Variants in RXRA observed in about 807,000 individuals in gnomAD.
The protein encoded by RXRA is retinoic acid receptor RXR-alpha.
RXRA carries 5 observed loss-of-function variants against 44.5 expected under a neutral mutation model. That is an observed-to-expected ratio of 0.11 (90% confidence interval 0.06 to 0.24). The LOEUF (loss-of-function observed/expected upper bound fraction) is 0.24, where lower values mean the gene tolerates loss of function less well. RXRA is among the 10% of genes least tolerant of loss of function. The pLI, the probability that RXRA is intolerant of heterozygous loss-of-function variation, is 1.00. For missense variants in RXRA, 412 were observed against 646.5 expected (o/e 0.64, Z 3.93); for synonymous variants, 291 against 271.4 (o/e 1.07, Z -0.71).
At chr9:134,401,278 C>T (rs1379761303) in intron 1 of RXRA, 2 of 346,648 alleles carry the variant, frequency 5.8e-6, no homozygotes, top group East Asian at 1.5e-4. Context: ...GTCCCGGCCA[C>T]CAGCCACTCC....
Position 134,438,024 on chromosome 9 carries a change from C to G in RXRA, c.*1410C>G, listed in dbSNP as rs187145744. ...CCGGGCTCCGGTGGTGCGGGGCCCT[C>G]TCAGGTTGAACTCGCCTCTTTTGCA... On this transcript the variant is annotated 3_prime_UTR_variant, in exon 10 of 10. Transcript: ENST00000481739. The G allele has an allele frequency of 6.5e-6, 1 of 152,750 alleles. No homozygotes were observed. The highest frequency in any genetic ancestry group is 1.9e-4 in the East Asian group (1 of 5,182). The allele number at this position is 152,750 out of a possible 1,614,324, so 9.5% of individuals were successfully genotyped here.
chr9:134,415,980 C>T (rs1831227917), intron 4 of RXRA, among the ~76,000 whole-genome samples: 1 of 152,074 alleles, frequency 6.6e-6, no homozygotes. Context: ...GAGTGCCCGC[C>T]CTGTGGGGCG....
At chr9:134,326,710 CGGGCGGGAGGGGGCCGGG>C (rs1465945641) in intron 1 of RXRA, 51 bp downstream of exon 1, 1 of 384,978 alleles carries the variant, frequency 2.6e-6, no homozygotes, top group Admixed American at 7.0e-5. Flanking sequence ...CGGGGGCCGG[CGGGCGGGAGGGGGCCGGG>C]GGCGCGTTGG....
intron 1 of RXRA, among the ~76,000 whole-genome samples, chr9:134,374,484 C>A (rs902274880): frequency 3.3e-5 from 5 of 152,340 alleles, no homozygotes; most frequent in Non-Finnish European, 7.3e-5. Context: ...TCACAGGGAT[C>A]CTGGCTCTCG....
In RXRA at chr9:134,434,151, G is replaced by C. The variant is rs1199174789; in HGVS notation, c.1185G>C (p.Lys395Asn). The C allele has an allele frequency of 1.2e-6, 2 of 1,613,710 alleles. No individual in the cohort carries two copies. The highest frequency in any genetic ancestry group is 1.3e-5 in the African/African-American group (1 of 74,890). Residue 395 changes from lysine to asparagine, a missense_variant, in exon 9 of 10, where the codon AAG becomes AAC. Around this residue, in one of 4 missense-constraint regions of RXRA, gnomAD observed 141 missense variants for 270.8 expected, o/e 0.52. Coordinates refer to ENST00000481739, the MANE Select transcript of RXRA (RefSeq NM_002957.6). ...CCGAGGTGGAGGCGCTGAGGGAGAAGGTCTATGCGTCCTTGGAGGCCTACT... is the reference window on the plus strand; with the variant it reads ...CCGAGGTGGAGGCGCTGAGGGAGAACGTCTATGCGTCCTTGGAGGCCTACT... ...NPAEVEALRE[K>N]VYASLEAYCK...
At chr9:134,348,791 G>GA (rs1231602957) in intron 1 of RXRA, among the ~76,000 whole-genome samples, 1 of 104,900 alleles carries the variant, frequency 9.5e-6, no homozygotes, top group African/African-American at 6.2e-5. Flanking sequence ...GTGGTCAGAA[G>GA]ACTTCCCGGA....
At chr9:134,398,607 G>T (rs1830914968) in intron 1 of RXRA, among the ~76,000 whole-genome samples, 1 of 152,174 alleles carries the variant, frequency 6.6e-6, no homozygotes. Flanking sequence ...CTCCTGAGGT[G>T]CCCTGGAAGG....
At chr9:134,387,637 C>T (rs1016010680) in intron 1 of RXRA, among the ~76,000 whole-genome samples, 1 of 152,266 alleles carries the variant, frequency 6.6e-6, no homozygotes, top group African/African-American at 2.4e-5. Flanking sequence ...GGGGACCACG[C>T]AGTCCTTGAC....
intron 1 of RXRA, among the ~76,000 whole-genome samples, chr9:134,327,053 G>C (rs1353603626): frequency 3.9e-5 from 6 of 151,964 alleles, no homozygotes; most frequent in African/African-American, 7.2e-5. Context: ...CCTGGGGACC[G>C]GGACGGCGCG....
At chr9:134,408,428 T>G (rs1588293661) in intron 3 of RXRA, 129 bp downstream of exon 3, 1 of 993,016 alleles carries the variant, frequency 1.0e-6, no homozygotes, top group South Asian at 1.8e-5. Context: ...GGGAGGCAGG[T>G]GCCTGGGCCA....
chr9:134,401,444 G>C (rs549110945), intron 1 of RXRA, 188 bp from the exon 2 acceptor site: 65 of 868,812 alleles, frequency 7.5e-5, no homozygotes, highest in Non-Finnish European at 1.1e-4. Context: ...TTGGAGGGGA[G>C]CTCTGGGCAC....
At chr9:134,362,835 C>T (rs1307063070) in intron 1 of RXRA, among the ~76,000 whole-genome samples, 1 of 152,206 alleles carries the variant, frequency 6.6e-6, no homozygotes, top group Admixed American at 6.5e-5. Flanking sequence ...GGAGGGGGCC[C>T]ACTTGGACGG....
intron 1 of RXRA, among the ~76,000 whole-genome samples, chr9:134,331,206 C>T (rs536145834): frequency 5.3e-5 from 8 of 152,196 alleles, no homozygotes; most frequent in African/African-American, 1.9e-4. Flanking sequence ...GGCGAGGGAC[C>T]GCGGTTTGCA....
chr9:134,360,092 T>C (rs2119060697), intron 1 of RXRA, among the ~76,000 whole-genome samples: 1 of 152,248 alleles, frequency 6.6e-6, no homozygotes, highest in East Asian at 1.9e-4. Flanking sequence ...GCCACCATGC[T>C]TTCGAGGCCG....
chr9:134,427,340 G>A (rs1354337126), intron 6 of RXRA, among the ~76,000 whole-genome samples: 7 of 152,060 alleles, frequency 4.6e-5, no homozygotes, highest in African/African-American at 1.7e-4. Flanking sequence ...ACTCCCCATC[G>A]CAACGGGCTG....
At position 134,343,589 on chromosome 9, in the gene RXRA, C is replaced by T. The variant is rs977960949; in HGVS notation, c.28+16930C>T. 4.6e-5 allele frequency among the ~76,000 whole-genome samples: 7 copies of T among 152,190 alleles called. No homozygotes were observed. Among genetic ancestry groups the T allele is most frequent in the South Asian group, 2.1e-4 (1 of 4,820 alleles). On this transcript the variant is annotated intron_variant, in intron 1 of 9. Transcript: ENST00000481739. The surrounding 1 kb of genome is among the most constrained non-coding windows in gnomAD (Gnocchi z 4.1). ...CTAGAAATTGCTCGGGGCCAGGAAGCGAGACCAGTCACTGGGTGCAACCTT... is the reference window on the plus strand; with the variant it reads ...CTAGAAATTGCTCGGGGCCAGGAAGTGAGACCAGTCACTGGGTGCAACCTT...
intron 1 of RXRA, among the ~76,000 whole-genome samples, chr9:134,389,754 T>G (rs1830772978): frequency 6.6e-6 from 1 of 152,116 alleles, no homozygotes; most frequent in African/African-American, 2.4e-5. Context: ...ACTCTGTGGA[T>G]GGGGTCACCC....
Position 134,433,952 on chromosome 9 carries a change from G to A in RXRA, c.1136-150G>A, listed in dbSNP as rs34458643. The A allele has an allele frequency of 0.024, 14,476 of 594,796 alleles. 220 individuals carry two copies. The highest frequency in any genetic ancestry group is 0.03 in the Non-Finnish European group (9,916 of 336,106). The allele number at this position is 594,796 out of a possible 1,614,324, so 36.8% of individuals were successfully genotyped here. The stretch of plus-strand genomic sequence containing the variant: ...CCCTGCCACCAGGCTCTGGGGGAGC[G>A]GGCGGAGGCATGTCCAGCGGCATTC... On this transcript the variant is annotated intron_variant, in intron 8 of 9. Transcript: ENST00000481739. The surrounding 1 kb of genome is among the most constrained non-coding windows in gnomAD (Gnocchi z 4.2).
intron 1 of RXRA, among the ~76,000 whole-genome samples, chr9:134,339,508 TGTGA>T (rs1469169991): frequency 3.1e-4 from 47 of 151,094 alleles, no homozygotes; most frequent in African/African-American, 1.0e-3. Flanking sequence ...TGTGAGTGTG[TGTGA>T]GTCTGTGTGT....
Sources: allele counts gnomAD v4.1 joint callset (sites outside exome capture counted in the v4.1 genomes callset), GRCh38; gene constraint gnomAD v4.1.1; regional missense constraint gnomAD v4.1.1; non-coding constraint Gnocchi (gnomAD v3.1); transcripts MANE v1.5; gene names NCBI Gene and HGNC (gene_info 2026-07-23, HGNC 2026-07-21).